The following SLC25A36 variants were observed in gnomAD, a reference collection of about 807,000 sequenced individuals.
SLC25A36 encodes solute carrier family 25 member 36.
A neutral mutation model predicts 35.3 loss-of-function variants in SLC25A36; 24 were observed. The ratio of observed to expected loss-of-function variants is 0.68; its 90% CI spans 0.49 to 0.96. The LOEUF is 0.96. Ranked by LOEUF, SLC25A36 falls within the 40% of genes least tolerant of loss-of-function variation. SLC25A36 has a pLI of 0.00. For missense variants in SLC25A36, 294 were observed against 381.1 expected, an observed-to-expected ratio of 0.77 and a Z score of 1.90; for synonymous variants, 141 against 132.2, an observed-to-expected ratio of 1.07 and a Z score of -0.46.
At chr3:140,953,387 G>T (rs1487322070) in intron 1 of SLC25A36, among the ~76,000 whole-genome samples, 1 of 141,464 alleles carries the variant, frequency 7.1e-6, no homozygotes, top group African/African-American at 2.6e-5. Flanking sequence ...TTGTGGTTTC[G>T]ACATTTTTTG....
intron 6 of SLC25A36, 58 bp downstream of exon 6, chr3:140,974,063 T>A: frequency 1.7e-6 from 2 of 1,175,144 alleles, no homozygotes; most frequent in South Asian, 3.2e-5. Context: ...AACAGCTCAC[T>A]TATTAAAGCA....
chr3:140,954,290 G>C (rs141755282), intron 1 of SLC25A36, among the ~76,000 whole-genome samples: 1,918 of 152,300 alleles, frequency 0.013, 31 homozygotes, highest in African/African-American at 0.043. Flanking sequence ...GCTTCCACTA[G>C]TTGATGGACA....
At chr3:140,944,980 A>T (rs962057376) in intron 1 of SLC25A36, among the ~76,000 whole-genome samples, 60 of 152,284 alleles carry the variant, frequency 3.9e-4, no homozygotes, top group African/African-American at 1.1e-3. Flanking sequence ...TCATTTCCTT[A>T]ATTTTTACTA....
At chr3:140,950,260 C>G (rs1934283675) in intron 1 of SLC25A36, among the ~76,000 whole-genome samples, 1 of 151,646 alleles carries the variant, frequency 6.6e-6, no homozygotes, top group Admixed American at 6.6e-5. Flanking sequence ...CCCCACCCCC[C>G]ACTGCCCCTG....
At chr3:140,963,090 G>T in intron 3 of SLC25A36, 37 bp from the exon 4 acceptor site, 1 of 1,323,410 alleles carries the variant, frequency 7.6e-7, no homozygotes. Context: ...TACGCATTAA[G>T]AACATGCTTA....
intron 3 of SLC25A36, among the ~76,000 whole-genome samples, chr3:140,962,854 T>G (rs1478705636): frequency 6.6e-6 from 1 of 152,008 alleles, no homozygotes; most frequent in East Asian, 1.9e-4. Flanking sequence ...TTACCAAGTT[T>G]TAGTGAGTTA....
chr3:140,971,075 C>A (rs1160250680), intron 5 of SLC25A36, 82 bp downstream of exon 5: 4 of 660,986 alleles, frequency 6.1e-6, no homozygotes, highest in South Asian at 1.8e-5. Context: ...TCCTTTGCTG[C>A]TGAATTTGTT....
chr3:140,968,418 T>TAATAGC (rs1486523934), intron 4 of SLC25A36: 1 of 974,522 alleles, frequency 1.0e-6, no homozygotes, highest in African/African-American at 1.8e-5. Flanking sequence ...AGCTTACTGA[T>TAATAGC]AATAGCAATT....
chr3:140,973,847 T>A lies in SLC25A36; in HGVS notation c.584T>A (p.Val195Asp). 1 of 1,613,612 alleles carries A rather than the reference T, an allele frequency of 6.2e-7. No individual in the cohort carries two copies. Among genetic ancestry groups the A allele is most frequent in the Non-Finnish European group, 8.5e-7 (1 of 1,179,768 alleles). The change falls in exon 6 of 7, where the codon GTT becomes GAT. Residue 195 changes from valine to aspartate, a missense_variant. Val to Asp is a radical substitution (Grantham distance 152). Transcript: ENST00000324194. ...ATATCAGAGACTGTTATCCATTTTG[T>A]TATTTATGAAAGTATAAAACAAAAA... is the stretch of plus-strand genomic sequence containing the variant. ...AGISETVIHF[V>D]IYESIKQKLL...
chr3:140,942,062 A>G lies in SLC25A36; in HGVS notation c.8A>G (p.Gln3Arg). 1.3e-6 allele frequency: 2 copies of G among 1,484,098 alleles called. No homozygotes were observed. The highest frequency in any genetic ancestry group is 1.2e-5 in the South Asian group (1 of 81,066). 91.9% of individuals were successfully genotyped at this position (1,484,098 alleles called of 1,614,324 possible). ...GGACATGCGGGAGAGAGAATGAGCC[A>G]GAGGGACACGCTGGTGCATCTGTTT... is the stretch of plus-strand genomic sequence containing the variant. The part of the protein sequence containing the change: MS[Q>R]RDTLVHLFAG... Residue 3 changes from glutamine to arginine, a missense_variant, in exon 1 of 7, where the codon CAG becomes CGG. Physicochemically the swap from Gln to Arg is conservative, Grantham distance 43 (BLOSUM62 1). Around this residue, in one of 2 missense-constraint regions of SLC25A36, gnomAD observed 185 missense variants for 201.5 expected, o/e 0.92. Coordinates refer to ENST00000324194, the MANE Select transcript of SLC25A36 (RefSeq NM_001104647.3).
chr3:140,955,349 A>G (rs893939780), intron 1 of SLC25A36, among the ~76,000 whole-genome samples: 10 of 152,006 alleles, frequency 6.6e-5, no homozygotes, highest in African/African-American at 2.4e-4. Context: ...TTGAAGGTCC[A>G]CGTTAACCTG....
At chr3:140,946,469 C>T (rs1934168206) in intron 1 of SLC25A36, among the ~76,000 whole-genome samples, 1 of 151,048 alleles carries the variant, frequency 6.6e-6, no homozygotes, top group Non-Finnish European at 1.5e-5. Flanking sequence ...CTCTGCTAGA[C>T]TATGCGTGGG....
Position 140,963,179 on chromosome 3 carries a change from T to G in SLC25A36, c.337T>G (p.Phe113Val), listed in dbSNP as rs2107802430. The change falls in exon 4 of 7, where the codon TTT (phenylalanine) becomes GTT (valine). Residue 113 changes from phenylalanine to valine, a missense_variant. This residue lies in a region of SLC25A36 where 185 missense variants were observed against 201.5 expected (regional missense o/e 0.92). Transcript: ENST00000324194. ...CTGCAAGGAAAAGTTGAATGATGTA[T>G]TTGATCCTGATTCTACCCAAGTACA... ...SNCKEKLNDV[F>V]DPDSTQVHMI... 1 of 1,599,224 alleles carries G rather than the reference T, an allele frequency of 6.3e-7. No homozygotes were observed. Among genetic ancestry groups the G allele is most frequent in the Non-Finnish European group, 8.5e-7 (1 of 1,176,546 alleles).
intron 1 of SLC25A36, among the ~76,000 whole-genome samples, chr3:140,952,594 A>G (rs1406060980): frequency 6.6e-6 from 1 of 152,256 alleles, no homozygotes; most frequent in Admixed American, 6.5e-5. Context: ...ACACATAACT[A>G]CATAGCTAAT....
At chr3:140,952,450 T>C (rs1459265931) in intron 1 of SLC25A36, among the ~76,000 whole-genome samples, 1 of 152,244 alleles carries the variant, frequency 6.6e-6, no homozygotes, top group Non-Finnish European at 1.5e-5. Context: ...CTGGCCAGTT[T>C]AGATTCTCAT....
chr3:140,958,732 T>A (rs1413374564), intron 2 of SLC25A36, among the ~76,000 whole-genome samples: 1 of 152,200 alleles, frequency 6.6e-6, no homozygotes, highest in African/African-American at 2.4e-5. Context: ...AGGAAGGAAC[T>A]ACATTTCTAA....
intron 4 of SLC25A36, chr3:140,966,995 C>T (rs1367495590): frequency 2.2e-6 from 1 of 456,092 alleles, no homozygotes; most frequent in Non-Finnish European, 4.4e-6. Context: ...GCTCCCCATC[C>T]GCAGGTCACT....
intron 4 of SLC25A36, among the ~76,000 whole-genome samples, chr3:140,969,153 T>G (rs890062691): frequency 6.6e-6 from 1 of 151,820 alleles, no homozygotes; most frequent in Admixed American, 6.6e-5. Flanking sequence ...TATCCTAGCC[T>G]TTTCATGTAG....
Position 140,978,922 on chromosome 3 carries a change from G to A in SLC25A36, c.*2469G>A, listed in dbSNP as rs1194526983. ...TTAAAAACAAAAACACATATTCAGA[G>A]CATTGGACTTTTTTAACTTGTTTTC... On this transcript the variant is annotated 3_prime_UTR_variant, in exon 7 of 7. Coordinates refer to ENST00000324194, the MANE Select transcript of SLC25A36 (RefSeq NM_001104647.3). 1 of 152,152 alleles carries A rather than the reference G, an allele frequency of 6.6e-6. No individual in the cohort carries two copies. Among genetic ancestry groups the A allele is most frequent in the Non-Finnish European group, 1.5e-5 (1 of 68,014 alleles). 9.4% of individuals were successfully genotyped at this position (152,152 alleles called of 1,614,324 possible).
Sources: allele counts gnomAD v4.1 joint callset (sites outside exome capture counted in the v4.1 genomes callset), GRCh38; gene constraint gnomAD v4.1.1; regional missense constraint gnomAD v4.1.1; transcripts MANE v1.5; gene names NCBI Gene and HGNC (gene_info 2026-07-23, HGNC 2026-07-21).